The following CNTN6 variants were observed in gnomAD, a reference collection of about 807,000 sequenced individuals.
The protein encoded by CNTN6 is contactin 6, also known as contactin-6.
In CNTN6, 137 loss-of-function variants were observed where a neutral mutation model predicts 122.8. The observed-to-expected ratio is 1.12, with a 90% CI of 0.97 to 1.29. The LOEUF is 1.29. CNTN6 is among the 50% of genes most tolerant of loss of function. The pLI, the probability that CNTN6 is intolerant of heterozygous loss-of-function variation, is 0.00. For synonymous variants in CNTN6, 570 were observed against 426.0 expected, an observed-to-expected ratio of 1.34 and a Z score of -4.16; for missense variants, 1,634 against 1,223.4, an observed-to-expected ratio of 1.34 and a Z score of -5.01.
chr3:1,302,391 AT>A (rs1038811672), intron 7 of CNTN6, among the ~76,000 whole-genome samples: 35 of 152,122 alleles, frequency 2.3e-4, no homozygotes, highest in Non-Finnish European at 4.7e-4. Context: ...AAAATCAAAT[AT>A]TTTTTTCTTA....
At chr3:1,266,949 CTTTT>C (rs1036704755) in intron 4 of CNTN6, among the ~76,000 whole-genome samples, 1 of 90,388 alleles carries the variant, frequency 1.1e-5, no homozygotes, top group Non-Finnish European at 2.1e-5. Flanking sequence ...CAGCCTGGCC[CTTTT>C]TTTTTTTTTT....
In CNTN6 at chr3:1,348,157, C is replaced by CAAAAAAAAAAAAAAAAAAAAAAA. The variant is rs532282828; in HGVS notation, c.1365-4148_1365-4147insAAAAAAAAAAAAAAAAAAAAAAA. On this transcript the variant is annotated intron_variant, in intron 11 of 22. Transcript: ENST00000446702. ...AATATTAGTATTTCTATGCTATAGA[C>CAAAAAAAAAAAAAAAAAAAAAAA]AAAAAAAAAAAAAAAAAAAGGACTT... 5.3e-4 allele frequency among the ~76,000 whole-genome samples: 34 copies of CAAAAAAAAAAAAAAAAAAAAAAA among 64,262 alleles called. 3 individuals carry two copies. Among genetic ancestry groups the CAAAAAAAAAAAAAAAAAAAAAAA allele is most frequent in the Middle Eastern group, 0.016 (1 of 64 alleles). 42.2% of individuals were successfully genotyped at this position (64,262 alleles called of 152,430 possible). A position where few individuals can be genotyped will look rare whatever the true frequency, so the allele number is the denominator to read the frequency against.
chr3:1,205,049 G>A (rs1474355011), intron 2 of CNTN6, among the ~76,000 whole-genome samples: 1 of 152,166 alleles, frequency 6.6e-6, no homozygotes, highest in East Asian at 1.9e-4. Context: ...TAGAAAAAGG[G>A]CCAGAGGAAA....
intron 3 of CNTN6, among the ~76,000 whole-genome samples, chr3:1,226,895 A>T (rs1351080834): frequency 6.6e-6 from 1 of 152,168 alleles, no homozygotes; most frequent in Non-Finnish European, 1.5e-5. Flanking sequence ...TGTTTATTTT[A>T]AAAAATGGTC....
In CNTN6 at chr3:1,248,852, A is replaced by G. The variant is rs144565750; in HGVS notation, c.358+20859A>G. ...GCCTGGACAACAAGAGAGAAACTCC[A>G]TCTCAAAAAAAAAAGAATAAATAAA... On this transcript the variant is annotated intron_variant, in intron 4 of 22. Transcript: ENST00000446702. 2.2e-3 allele frequency among the ~76,000 whole-genome samples: 331 copies of G among 151,194 alleles called. 2 individuals carry two copies. Among genetic ancestry groups the G allele is most frequent in the African/African-American group, 7.5e-3 (311 of 41,378 alleles).
At chr3:1,314,000 T>C (rs1699760935) in intron 7 of CNTN6, among the ~76,000 whole-genome samples, 1 of 152,040 alleles carries the variant, frequency 6.6e-6, no homozygotes. Context: ...ACTATCACCT[T>C]AGGGGTTAGG....
chr3:1,359,253 C>T (rs996070364), intron 12 of CNTN6, among the ~76,000 whole-genome samples: 1 of 152,158 alleles, frequency 6.6e-6, no homozygotes, highest in Non-Finnish European at 1.5e-5. Flanking sequence ...TAATTTATTA[C>T]ACAGAATCTA....
At chr3:1,149,118 T>C (rs1314376006) in intron 2 of CNTN6, among the ~76,000 whole-genome samples, 4 of 152,148 alleles carry the variant, frequency 2.6e-5, no homozygotes, top group African/African-American at 4.8e-5. Flanking sequence ...AAAAAGGCCA[T>C]AGAAATAATA....
At chr3:1,110,848 CT>C (rs2091449002) in intron 1 of CNTN6, among the ~76,000 whole-genome samples, 2 of 152,148 alleles carry the variant, frequency 1.3e-5, no homozygotes, top group African/African-American at 4.8e-5. Flanking sequence ...AGCAGGGACT[CT>C]TAGTCCGATG....
intron 1 of CNTN6, among the ~76,000 whole-genome samples, chr3:1,133,189 T>G (rs951119406): frequency 6.6e-6 from 1 of 152,150 alleles, no homozygotes; most frequent in East Asian, 1.9e-4. Context: ...AAATGAAGGT[T>G]TAATGAAAAT....
At chr3:1,395,778 ACTT>A (rs1285372748) in intron 20 of CNTN6, among the ~76,000 whole-genome samples, 1 of 152,192 alleles carries the variant, frequency 6.6e-6, no homozygotes, top group African/African-American at 2.4e-5. Flanking sequence ...ATTATTGAGC[ACTT>A]CTATGTCCCC....
At chr3:1,197,914 T>A (rs1215934490) in intron 2 of CNTN6, among the ~76,000 whole-genome samples, 1 of 152,140 alleles carries the variant, frequency 6.6e-6, no homozygotes, top group East Asian at 1.9e-4. Flanking sequence ...CCCTAACTCA[T>A]GCAAAGAAAC....
At chr3:1,131,120 A>G (rs934792721) in intron 1 of CNTN6, among the ~76,000 whole-genome samples, 1 of 152,104 alleles carries the variant, frequency 6.6e-6, no homozygotes, top group African/African-American at 2.4e-5. Context: ...CTATGTGATA[A>G]AAGTTCCTGA....
chr3:1,347,627 CAG>C (rs1230045492), intron 11 of CNTN6, among the ~76,000 whole-genome samples: 23 of 152,190 alleles, frequency 1.5e-4, no homozygotes, highest in African/African-American at 5.5e-4. Flanking sequence ...GAGCAACAAA[CAG>C]AGTGAGAATC....
intron 20 of CNTN6, among the ~76,000 whole-genome samples, chr3:1,396,530 G>C (rs1471527792): frequency 6.6e-6 from 1 of 152,156 alleles, no homozygotes; most frequent in Non-Finnish European, 1.5e-5. Flanking sequence ...GAAAAATAGA[G>C]ATGAAGATAC....
At chr3:1,389,310 C>G (rs1296057633) in intron 20 of CNTN6, among the ~76,000 whole-genome samples, 1 of 152,054 alleles carries the variant, frequency 6.6e-6, no homozygotes, top group Non-Finnish European at 1.5e-5. Flanking sequence ...TCCAGCCAAA[C>G]TAAGCTTCAT....
At chr3:1,132,658 AAAATAAATAAATAAATAAAT>A (rs71303111) in intron 1 of CNTN6, among the ~76,000 whole-genome samples, 1 of 144,402 alleles carries the variant, frequency 6.9e-6, no homozygotes, top group African/African-American at 2.6e-5. Context: ...CTCTGTCTAA[AAAATAAATAAATAAATAAAT>A]AAATAAATAA....
chr3:1,170,236 CAAAAAAAAAAAAAAA>C (rs10525769), intron 2 of CNTN6, among the ~76,000 whole-genome samples: 1 of 107,452 alleles, frequency 9.3e-6, no homozygotes, highest in Non-Finnish European at 1.9e-5. Context: ...GGCTCCATCT[CAAAAAAAAAAAAAAA>C]AAAAAAAAAA....
At chr3:1,212,789 A>T (rs985824772) in intron 2 of CNTN6, among the ~76,000 whole-genome samples, 2 of 152,170 alleles carry the variant, frequency 1.3e-5, no homozygotes, top group Admixed American at 1.3e-4. Flanking sequence ...CAAAACAATA[A>T]AGACTTGCTG....
Sources: allele counts gnomAD v4.1 joint callset (sites outside exome capture counted in the v4.1 genomes callset), GRCh38; gene constraint gnomAD v4.1.1; transcripts MANE v1.5; gene names NCBI Gene and HGNC (gene_info 2026-07-23, HGNC 2026-07-21).